TG: variants seen among roughly 807,000 people sequenced by gnomAD.
TG encodes the protein thyroid hormones.
In TG, 270 loss-of-function variants were observed where a neutral mutation model predicts 324.7. The observed-to-expected ratio is 0.83, with a 90% CI of 0.75 to 0.92. TG has a LOEUF of 0.92. TG is among the 40% of genes least tolerant of loss of function. TG has a pLI of 0.00. For synonymous variants in TG, 1,401 were observed against 1,327.0 expected, an observed-to-expected ratio of 1.06 and a Z score of -1.21; for missense variants, 3,591 against 3,456.4, an observed-to-expected ratio of 1.04 and a Z score of -0.98.
chr8:133,050,962 C>G (rs369971005), intron 41 of TG: 1 of 1,097,248 alleles, frequency 9.1e-7, no homozygotes, highest in Non-Finnish European at 1.4e-6. Context: ...GCTTTTTATT[C>G]ACAAGGAGCT....
chr8:132,897,187 T>A (rs142865350), intron 11 of TG, among the ~76,000 whole-genome samples: 19 of 152,356 alleles, frequency 1.2e-4, no homozygotes, highest in African/African-American at 4.6e-4. Flanking sequence ...TGTGAACCCT[T>A]GGTTAAGTTG....
chr8:133,073,399 A>G (rs1343239729), intron 41 of TG: 1 of 152,168 alleles, frequency 6.6e-6, no homozygotes, highest in Non-Finnish European at 1.5e-5. Context: ...ATTGTTGCCC[A>G]GGCTGGAGTG....
At chr8:133,068,094 T>C (rs1843375725) in intron 41 of TG, among the ~76,000 whole-genome samples, 1 of 152,148 alleles carries the variant, frequency 6.6e-6, no homozygotes, top group South Asian at 2.1e-4. Flanking sequence ...TGGGGCATCA[T>C]AAAGCATCAC....
At position 132,893,635 on chromosome 8, in the gene TG, C is replaced by A. The variant is rs969042007; in HGVS notation, c.2762-55C>A. On this transcript the variant is annotated intron_variant, in intron 10 of 47. Coordinates refer to ENST00000220616, the MANE Select transcript of TG (RefSeq NM_003235.5). ...GAGGGCACACATGCTTCATGGGAGTCAGAGGGAAGTCCACGTGGTGAGTGA... is the reference window on the plus strand; with the variant it reads ...GAGGGCACACATGCTTCATGGGAGTAAGAGGGAAGTCCACGTGGTGAGTGA... 4 of 1,611,252 alleles carry A rather than the reference C, an allele frequency of 2.5e-6. No homozygotes were observed. In the African/African-American group the frequency reaches 5.4e-5, roughly 22 times the overall value.
intron 35 of TG, among the ~76,000 whole-genome samples, chr8:132,984,092 C>T (rs1312298400): frequency 2.0e-5 from 3 of 152,228 alleles, no homozygotes; most frequent in Non-Finnish European, 4.4e-5. Flanking sequence ...GTCCCCTTTT[C>T]TGCTTCCCTT....
At chr8:133,013,841 G>T in intron 37 of TG, 77 bp downstream of exon 37, 1 of 1,542,184 alleles carries the variant, frequency 6.5e-7, no homozygotes, top group Non-Finnish European at 8.7e-7. Context: ...CACTTGGTGA[G>T]TTGGAGGACA....
chr8:132,884,220 C>A (rs1411091211), intron 8 of TG, among the ~76,000 whole-genome samples: 2 of 152,172 alleles, frequency 1.3e-5, no homozygotes, highest in Admixed American at 1.3e-4. Context: ...CTGGGAAGAG[C>A]ATGAATTTTG....
At chr8:132,960,746 T>A (rs1021477564) in intron 27 of TG, among the ~76,000 whole-genome samples, 1 of 152,188 alleles carries the variant, frequency 6.6e-6, no homozygotes, top group African/African-American at 2.4e-5. Flanking sequence ...TAAGTGACTC[T>A]CCCGAGTCAT....
chr8:133,025,388 C>T (rs72727499), intron 40 of TG, among the ~76,000 whole-genome samples: 13,868 of 152,244 alleles, frequency 0.091, 809 homozygotes, highest in Middle Eastern at 0.13. Context: ...TGCAACTGTT[C>T]CCTCTTTCAT....
intron 41 of TG, among the ~76,000 whole-genome samples, chr8:133,083,195 CATT>C (rs1485795248): frequency 1.3e-5 from 2 of 152,138 alleles, no homozygotes; most frequent in Non-Finnish European, 2.9e-5. Flanking sequence ...TGTCAGTTAT[CATT>C]ATTTATTATT....
Position 132,967,856 on chromosome 8 carries a change from T to A in TG, c.5749T>A (p.Phe1917Ile). The A allele has an allele frequency of 6.2e-7, 1 of 1,614,008 alleles. No individual in the cohort carries two copies. Among genetic ancestry groups the A allele is most frequent in the Non-Finnish European group, 8.5e-7 (1 of 1,179,950 alleles). Residue 1917 changes from phenylalanine to isoleucine, a missense_variant, in exon 31 of 48, where the codon TTC (phenylalanine) becomes ATC (isoleucine). Physicochemically the swap from Phe to Ile is conservative, Grantham distance 21. Coordinates refer to ENST00000220616, the MANE Select transcript of TG (RefSeq NM_003235.5). ...GATAACAGAGAGTGCATCCTTGTAC[T>A]TCACCTGCACCCTCTACCCAGAGGC... ...AEITESASLY[F>I]TCTLYPEAQV... is the part of the protein sequence containing the mutation.
intron 18 of TG, among the ~76,000 whole-genome samples, chr8:132,910,032 A>G (rs1207716573): frequency 6.6e-6 from 1 of 152,222 alleles, no homozygotes; most frequent in African/African-American, 2.4e-5. Context: ...CACATGTTCA[A>G]AAATCGTGCC....
chr8:132,934,480 C>T (rs554122912), intron 24 of TG, among the ~76,000 whole-genome samples: 1 of 152,284 alleles, frequency 6.6e-6, no homozygotes, highest in South Asian at 2.1e-4. Context: ...GATAATTAGA[C>T]CCTGTCCTCC....
chr8:132,873,028 T>A (rs147687597), intron 4 of TG, 34 bp from the exon 5 acceptor site: 4 of 1,613,168 alleles, frequency 2.5e-6, no homozygotes, highest in Non-Finnish European at 3.4e-6. Flanking sequence ...TGTCTACTCA[T>A]ATATAAGGAT....
intron 33 of TG, 129 bp from the exon 34 acceptor site, chr8:132,972,469 T>A: frequency 9.2e-7 from 1 of 1,089,902 alleles, no homozygotes; most frequent in South Asian, 1.4e-5. Flanking sequence ...AGATAGTATC[T>A]GAAATATAGT....
intron 24 of TG, among the ~76,000 whole-genome samples, chr8:132,934,608 A>G (rs1027258980): frequency 1.3e-5 from 2 of 152,106 alleles, no homozygotes; most frequent in African/African-American, 4.8e-5. Context: ...TTTGCTCTCC[A>G]AGGCTCTTCC....
Position 132,901,388 on chromosome 8 carries a change from C to T in TG, c.3469C>T (p.Leu1157Phe). The T allele has an allele frequency of 1.2e-6, 2 of 1,614,208 alleles. No individual in the cohort carries two copies. The highest frequency in any genetic ancestry group is 1.7e-6 in the Non-Finnish European group (2 of 1,180,040). ...CTGCAATGTGCTCAAGAGTGGAGTC[C>T]TCTCCAGGAGAGTCAGCCCAGGCTA... Reference protein sequence around the residue: ...SLCNVLKSGVLSRRVSPGYVP... With the variant: ...SLCNVLKSGVFSRRVSPGYVP... Residue 1157 changes from leucine to phenylalanine, a missense_variant, in exon 16 of 48, where the codon CTC (leucine) becomes TTC (phenylalanine). Physicochemically the swap from Leu to Phe is conservative, Grantham distance 22 (BLOSUM62 0). Transcript: ENST00000220616.
intron 40 of TG, among the ~76,000 whole-genome samples, chr8:133,025,745 T>C (rs80067312): frequency 1.5e-3 from 233 of 152,268 alleles, no homozygotes; most frequent in Admixed American, 0.01. Context: ...CTTTTTCCAG[T>C]TTAAGTCATT....
At chr8:132,949,334 G>A (rs1278257221) in intron 27 of TG, among the ~76,000 whole-genome samples, 1 of 152,210 alleles carries the variant, frequency 6.6e-6, no homozygotes, top group Non-Finnish European at 1.5e-5. Flanking sequence ...GCAGGAAAAA[G>A]GAGAAATAAG....
Sources: allele counts gnomAD v4.1 joint callset (sites outside exome capture counted in the v4.1 genomes callset), GRCh38; gene constraint gnomAD v4.1.1; transcripts MANE v1.5; gene names NCBI Gene and HGNC (gene_info 2026-07-23, HGNC 2026-07-21).